The following WASL variants were observed in gnomAD, a reference collection of about 807,000 sequenced individuals.
The protein encoded by WASL is actin nucleation-promoting factor WASL.
A neutral mutation model predicts 55.5 loss-of-function variants in WASL; 20 were observed. The observed-to-expected ratio is 0.36, with a 90% CI of 0.25 to 0.52. The LOEUF is 0.52. Among genes scored for constraint, WASL ranks in the 20% least tolerant of loss-of-function variants. WASL has a pLI of 0.92. For synonymous variants in WASL, 249 were observed against 217.6 expected (o/e 1.14, Z -1.27); for missense variants, 504 against 622.5 (o/e 0.81, Z 2.03).
intron 1 of WASL, among the ~76,000 whole-genome samples, chr7:123,715,409 C>T (rs1354950883): frequency 6.6e-6 from 1 of 152,164 alleles, no homozygotes; most frequent in African/African-American, 2.4e-5. Context: ...ACCAATCACT[C>T]AATCTACAGA....
chr7:123,684,584 CAAG>C lies in WASL; in HGVS notation c.1457-7_1457-5del. 1 of 1,494,168 alleles carries C rather than the reference CAAG, an allele frequency of 6.7e-7. No individual in the cohort carries two copies. The highest frequency in any genetic ancestry group is 9.0e-7 in the Non-Finnish European group (1 of 1,108,250). 92.6% of individuals were successfully genotyped at this position (1,494,168 alleles called of 1,614,324 possible). The stretch of plus-strand genomic sequence containing the variant: ...TCATCTTCATCTTCATCTTCATCTA[CAAG>C]AAAATCAAGACAATTAAAACATATG... On this transcript the variant is annotated splice_region_variant and splice_polypyrimidine_tract_variant and intron_variant, in intron 10 of 10. Coordinates refer to ENST00000223023, the MANE Select transcript of WASL (RefSeq NM_003941.4).
At chr7:123,704,804 A>G (rs1803642458) in intron 4 of WASL, 147 bp from the exon 5 acceptor site, 1 of 477,458 alleles carries the variant, frequency 2.1e-6, no homozygotes, top group Non-Finnish European at 3.7e-6. Context: ...ATTTAAGTAG[A>G]GATCTAAATA....
intron 1 of WASL, among the ~76,000 whole-genome samples, chr7:123,725,012 C>T (rs917100794): frequency 1.4e-4 from 22 of 152,062 alleles, no homozygotes; most frequent in Non-Finnish European, 1.8e-4. Flanking sequence ...CAAAGCTTCC[C>T]CAATAGAAGG....
chr7:123,706,427 A>C (rs1425300582), intron 3 of WASL, 54 bp from the exon 4 acceptor site: 2 of 1,494,354 alleles, frequency 1.3e-6, no homozygotes, highest in South Asian at 1.2e-5. Context: ...ATTTAGCTTT[A>C]TATCATAAAA....
chr7:123,721,515 T>G (rs1803942813), intron 1 of WASL, among the ~76,000 whole-genome samples: 1 of 152,168 alleles, frequency 6.6e-6, no homozygotes, highest in Admixed American at 6.5e-5. Flanking sequence ...ACACAAGAGC[T>G]AGATAGCATC....
intron 1 of WASL, among the ~76,000 whole-genome samples, chr7:123,728,020 G>A (rs1348664689): frequency 7.2e-5 from 11 of 152,110 alleles, no homozygotes; most frequent in East Asian, 1.9e-4. Context: ...ACTTTACAAG[G>A]GAGACAAGAA....
At chr7:123,695,714 ACATT>A (rs1393311530) in intron 7 of WASL, 105 bp downstream of exon 7, 3 of 1,030,334 alleles carry the variant, frequency 2.9e-6, no homozygotes, top group African/African-American at 3.3e-5. Context: ...AAACACAAGC[ACATT>A]CAAACAGATA....
chr7:123,700,102 G>A (rs1253041085), intron 5 of WASL, among the ~76,000 whole-genome samples: 1 of 143,594 alleles, frequency 7.0e-6, no homozygotes, highest in African/African-American at 2.6e-5. Context: ...CGTGAACCCG[G>A]GAGGAGGAGC....
rs1803354219 is a variant in WASL at position 123,689,232 on chromosome 7, A to G, written c.1348-82T>C. The G allele has an allele frequency of 1.8e-5, 20 of 1,104,544 alleles. 1 individual carries two copies. In the Admixed American group the frequency reaches 3.5e-4, roughly 19 times the overall value. The allele number at this position is 1,104,544 out of a possible 1,614,324, so 68.4% of individuals were successfully genotyped here. The stretch of plus-strand genomic sequence containing the variant: ...CTCCAGAAAGTCCTACTTTCTTAGA[A>G]TCACTTCTTATTGTAAAAGACAAAA... On this transcript the variant is annotated intron_variant, in intron 9 of 10. Transcript: ENST00000223023.
At chr7:123,695,697 A>G (rs999232916) in intron 7 of WASL, 126 bp downstream of exon 7, 1 of 859,950 alleles carries the variant, frequency 1.2e-6, no homozygotes, top group South Asian at 1.7e-5. Context: ...AGTTGTATAC[A>G]TACATAAAAC....
At position 123,700,486 on chromosome 7, in the gene WASL, G is replaced by A. The variant is rs541343743; in HGVS notation, c.461-3739C>T. ...GATGGAGTCTCACTCTCTCGCCCAGGCTGGAGTGCAATGGCGCCATCTCGG... is the reference window on the plus strand; with the variant it reads ...GATGGAGTCTCACTCTCTCGCCCAGACTGGAGTGCAATGGCGCCATCTCGG... On this transcript the variant is annotated intron_variant, in intron 5 of 10. Transcript: ENST00000223023. Among the ~76,000 whole-genome samples the A allele has an allele frequency of 2.0e-5, 3 of 151,408 alleles. No homozygotes were observed. The East Asian group carries it at 5.9e-4, about 30-fold the overall frequency.
intron 5 of WASL, 76 bp downstream of exon 5, chr7:123,704,558 T>C: frequency 8.5e-7 from 1 of 1,171,148 alleles, no homozygotes; most frequent in East Asian, 2.6e-5. Context: ...ATATTACTAA[T>C]GTATGGTACA....
At chr7:123,744,884 T>TGAATGGCATCA (rs572804155) in intron 1 of WASL, among the ~76,000 whole-genome samples, 284 of 152,330 alleles carry the variant, frequency 1.9e-3, no homozygotes, top group Non-Finnish European at 3.3e-3. Context: ...TACCAGCTAA[T>TGAATGGCATCA]GAATGGCATC....
Position 123,683,743 on chromosome 7 carries a change from ATT to A in WASL, c.*774_*775del, listed in dbSNP as rs1249813450. 6.6e-6 allele frequency: 1 copy of A among 151,972 alleles called. No homozygotes were observed. Among genetic ancestry groups the A allele is most frequent in the Non-Finnish European group, 1.5e-5 (1 of 67,928 alleles). 9.4% of individuals were successfully genotyped at this position (151,972 alleles called of 1,614,324 possible). Reference sequence around the variant, plus strand: ...CTAAATCCCTGAAACTCCAACTTAAATTTTGTTTCAGAGTAATACCAAAAAAA... The same window carrying A: ...CTAAATCCCTGAAACTCCAACTTAAATTGTTTCAGAGTAATACCAAAAAAA... On this transcript the variant is annotated 3_prime_UTR_variant, in exon 11 of 11. Transcript: ENST00000223023.
chr7:123,690,614 T>C (rs1803394489), intron 9 of WASL, among the ~76,000 whole-genome samples: 1 of 47,328 alleles, frequency 2.1e-5, no homozygotes. Flanking sequence ...TTGCTGCTTC[T>C]TTTTTTTTTT....
chr7:123,727,543 G>A (rs886605724), intron 1 of WASL, among the ~76,000 whole-genome samples: 3 of 152,136 alleles, frequency 2.0e-5, no homozygotes, highest in African/African-American at 7.2e-5. Context: ...CAATAACAGA[G>A]ATGAATCTCA....
intron 5 of WASL, among the ~76,000 whole-genome samples, chr7:123,697,707 C>T (rs1470989136): frequency 1.3e-5 from 2 of 152,176 alleles, no homozygotes; most frequent in African/African-American, 2.4e-5. Flanking sequence ...CTTTAGACTG[C>T]TCTTCTTAGA....
rs1049806007 is a variant in WASL at position 123,687,006 on chromosome 7, A to G, written c.1456+2036T>C. 3.9e-4 allele frequency among the ~76,000 whole-genome samples: 60 copies of G among 152,282 alleles called. 1 individual carries two copies. Among genetic ancestry groups the G allele is most frequent in the Admixed American group, 5.9e-4 (9 of 15,310 alleles). On this transcript the variant is annotated intron_variant, in intron 10 of 10. Coordinates refer to ENST00000223023, the MANE Select transcript of WASL (RefSeq NM_003941.4). Reference sequence around the variant, plus strand: ...CTACTCCACATCTATAGTTGAATTAATAGGTATCTCAAATTTAATATGTAA... The same window carrying G: ...CTACTCCACATCTATAGTTGAATTAGTAGGTATCTCAAATTTAATATGTAA...
intron 2 of WASL, among the ~76,000 whole-genome samples, chr7:123,707,491 A>T (rs1470244657): frequency 6.6e-6 from 1 of 152,218 alleles, no homozygotes; most frequent in Non-Finnish European, 1.5e-5. Flanking sequence ...AGTATAAAAA[A>T]TATGTTTAAT....
Sources: allele counts gnomAD v4.1 joint callset (sites outside exome capture counted in the v4.1 genomes callset), GRCh38; gene constraint gnomAD v4.1.1; transcripts MANE v1.5; gene names NCBI Gene and HGNC (gene_info 2026-07-23, HGNC 2026-07-21).